RPS6KC1: variants seen among roughly 807,000 people sequenced by gnomAD.
RPS6KC1 encodes ribosomal protein S6 kinase C1.
In RPS6KC1, 54 loss-of-function variants were observed where a neutral mutation model predicts 103.8. The observed-to-expected ratio is 0.52, with a 90% CI of 0.42 to 0.65. The LOEUF (loss-of-function observed/expected upper bound fraction) is 0.65, where lower values mean the gene tolerates loss of function less well. RPS6KC1 is among the 30% of genes least tolerant of loss of function. The probability of loss-of-function intolerance (pLI) is 0.00; values close to 1 mark genes in which losing one functional copy is unlikely to be tolerated. For missense variants in RPS6KC1, 1,151 were observed against 1,253.8 expected, an observed-to-expected ratio of 0.92 and a Z score of 1.24; for synonymous variants, 439 against 438.7, an observed-to-expected ratio of 1.00 and a Z score of -0.01.
chr1:213,513,852 A>C, the RPS6KC1 span, among the ~76,000 whole-genome samples: 3 of 152,222 alleles, frequency 2.0e-5, no homozygotes, highest in African/African-American at 4.8e-5. Context: ...ATCAGTGAAC[A>C]TGCACCATTC....
chr1:213,195,758 A>G (rs1471304487), intron 8 of RPS6KC1, among the ~76,000 whole-genome samples: 1 of 151,142 alleles, frequency 6.6e-6, no homozygotes, highest in East Asian at 1.9e-4. Flanking sequence ...ATGGTCTCCA[A>G]CTCCATCCAG....
At chr1:213,141,549 A>G (rs975298678) in intron 6 of RPS6KC1, among the ~76,000 whole-genome samples, 1 of 151,930 alleles carries the variant, frequency 6.6e-6, no homozygotes, top group South Asian at 2.1e-4. Context: ...TCTAGCTAGA[A>G]GTCTGAATCT....
At chr1:213,737,300 G>A in the RPS6KC1 span, among the ~76,000 whole-genome samples, 1 of 152,264 alleles carries the variant, frequency 6.6e-6, no homozygotes, top group South Asian at 2.1e-4. Context: ...GAAAGGTTTT[G>A]GGGGGTTGTT....
the RPS6KC1 span, among the ~76,000 whole-genome samples, chr1:213,363,621 GCTTGCTTTCTTT>G: frequency 0.014 from 1,189 of 85,226 alleles, 10 homozygotes; most frequent in Middle Eastern, 0.025. Context: ...TTGCTTGCTT[GCTTGCTTTCTTT>G]CTTTCTTTCT....
chr1:213,720,988 A>G, the RPS6KC1 span, among the ~76,000 whole-genome samples: 1,057 of 152,344 alleles, frequency 6.9e-3, 13 homozygotes, highest in African/African-American at 0.024. Context: ...AGAAAATTCT[A>G]TGAAACTATT....
chr1:213,741,018 A>ATATATATATCT, the RPS6KC1 span, among the ~76,000 whole-genome samples: 1 of 148,712 alleles, frequency 6.7e-6, no homozygotes, highest in East Asian at 2.0e-4. Flanking sequence ...ATATATACAC[A>ATATATATATCT]CACATATGTG....
intron 4 of RPS6KC1, among the ~76,000 whole-genome samples, chr1:213,116,789 T>G (rs111226635): frequency 0.022 from 3,288 of 151,848 alleles, 113 homozygotes; most frequent in African/African-American, 0.075. Context: ...CTGTAAAGTA[T>G]TTTATTTCTC....
chr1:213,202,860 A>G (rs2148592656), intron 8 of RPS6KC1, among the ~76,000 whole-genome samples: 1 of 152,288 alleles, frequency 6.6e-6, no homozygotes. Context: ...AACATATAAC[A>G]TTATTACGCT....
At chr1:213,775,461 A>G in the RPS6KC1 span, among the ~76,000 whole-genome samples, 1 of 152,200 alleles carries the variant, frequency 6.6e-6, no homozygotes, top group Non-Finnish European at 1.5e-5. Context: ...AGCAAGCCAC[A>G]CAATTTTTTG....
intron 1 of RPS6KC1, among the ~76,000 whole-genome samples, chr1:213,065,018 C>T (rs1433042709): frequency 6.6e-5 from 9 of 137,108 alleles, no homozygotes; most frequent in African/African-American, 2.2e-4. Context: ...GCTCCGTTGC[C>T]CAGGTTGGAA....
chr1:213,426,055 G>A, the RPS6KC1 span, among the ~76,000 whole-genome samples: 1 of 152,094 alleles, frequency 6.6e-6, no homozygotes. Context: ...CTGTGGTTGA[G>A]CCCCCTTTTT....
chr1:213,413,925 C>A, the RPS6KC1 span, among the ~76,000 whole-genome samples: 2 of 152,076 alleles, frequency 1.3e-5, no homozygotes, highest in Non-Finnish European at 2.9e-5. Context: ...CTTAGGAGAC[C>A]ACAGGGGAAG....
At chr1:213,290,150 A>AAAG in the RPS6KC1 span, among the ~76,000 whole-genome samples, 1 of 151,014 alleles carries the variant, frequency 6.6e-6, no homozygotes, top group African/African-American at 2.4e-5. Context: ...GTCTCAAAAA[A>AAAG]AAAAAAAAAA....
At chr1:213,188,640 A>G (rs530026633) in intron 8 of RPS6KC1, among the ~76,000 whole-genome samples, 97 of 152,248 alleles carry the variant, frequency 6.4e-4, no homozygotes, top group African/African-American at 2.3e-3. Context: ...CCTTTATAAT[A>G]ATATTGAATT....
intron 2 of RPS6KC1, among the ~76,000 whole-genome samples, chr1:213,077,421 A>T (rs2079441613): frequency 6.6e-6 from 1 of 152,182 alleles, no homozygotes; most frequent in Admixed American, 6.5e-5. Context: ...GAAAATTTGA[A>T]ACCAAAACAG....
At chr1:213,596,109 G>A in the RPS6KC1 span, among the ~76,000 whole-genome samples, 1 of 152,198 alleles carries the variant, frequency 6.6e-6, no homozygotes, top group Non-Finnish European at 1.5e-5. Flanking sequence ...AAAATGACAG[G>A]AAGTGACAAA....
In RPS6KC1 at chr1:213,117,367, C is replaced by G. The variant is rs577745586; in HGVS notation, c.429C>G (p.His143Gln). 2.0e-4 allele frequency: 326 copies of G among 1,610,740 alleles called. 15 individuals are homozygous for G. The South Asian group carries it at 2.8e-3, about 14-fold the overall frequency. ...SSELIGPAEA[H>Q]SDSLIDTFPE... Reference sequence around the variant, plus strand: ...AATTAATTGGTCCTGCTGAAGCTCACTCAGATTCCCTCATTGATACCTTTC... The same window carrying G: ...AATTAATTGGTCCTGCTGAAGCTCAGTCAGATTCCCTCATTGATACCTTTC... The change falls in exon 5 of 15, where the codon CAC becomes CAG. Residue 143 changes from histidine (H) to glutamine (Q), a missense_variant. Around this residue, in one of 3 missense-constraint regions of RPS6KC1, gnomAD observed 959 missense variants for 1,006.3 expected, o/e 0.95. Transcript: ENST00000366960.
At chr1:213,759,785 T>A in the RPS6KC1 span, among the ~76,000 whole-genome samples, 14 of 152,212 alleles carry the variant, frequency 9.2e-5, no homozygotes, top group African/African-American at 3.4e-4. Context: ...GTACTTTAGC[T>A]CTGTCAGTAT....
At chr1:213,845,899 C>T in the RPS6KC1 span, among the ~76,000 whole-genome samples, 35 of 152,242 alleles carry the variant, frequency 2.3e-4, no homozygotes, top group African/African-American at 8.2e-4. Flanking sequence ...CCCTGTAGAT[C>T]CTGGATCCTA....
Sources: gnomAD v4.1 joint callset for allele counts (sites outside exome capture counted in the v4.1 genomes callset) on GRCh38, gnomAD v4.1.1 for gene constraint, gnomAD v4.1.1 regional missense constraint, MANE v1.5 for transcripts, NCBI Gene and HGNC (gene_info 2026-07-23, HGNC 2026-07-21) for gene names.